VPS13D: variants seen among roughly 807,000 people sequenced by gnomAD.
The protein encoded by VPS13D is intermembrane lipid transfer protein VPS13D.
Under a neutral mutation model 461.9 loss-of-function variants are expected in VPS13D, and 187 were observed. The observed-to-expected ratio is 0.40, with a 90% CI of 0.36 to 0.46. The LOEUF (loss-of-function observed/expected upper bound fraction) is 0.46, where lower values mean the gene tolerates loss of function less well. VPS13D is among the 20% of genes least tolerant of loss of function. The probability of loss-of-function intolerance (pLI) is 0.60; values close to 1 mark genes in which losing one functional copy is unlikely to be tolerated. For missense variants in VPS13D, 4,711 were observed against 5,364.9 expected, an observed-to-expected ratio of 0.88 and a Z score of 3.81; for synonymous variants, 1,951 against 1,986.3, an observed-to-expected ratio of 0.98 and a Z score of 0.47.
intron 60 of VPS13D, among the ~76,000 whole-genome samples, chr1:12,390,745 G>A (rs1360639319): frequency 2.0e-5 from 3 of 152,188 alleles, no homozygotes; most frequent in African/African-American, 7.2e-5. Flanking sequence ...GGCAAATTGG[G>A]CATTAAGCAC....
intron 67 of VPS13D, among the ~76,000 whole-genome samples, chr1:12,487,274 A>G (rs536991320): frequency 6.6e-6 from 1 of 151,978 alleles, no homozygotes; most frequent in African/African-American, 2.4e-5. Flanking sequence ...GTAGAAGGAG[A>G]TTTAAAACCT....
intron 65 of VPS13D, among the ~76,000 whole-genome samples, chr1:12,421,747 T>G (rs953884146): frequency 6.6e-6 from 1 of 152,222 alleles, no homozygotes; most frequent in Non-Finnish European, 1.5e-5. Context: ...GCCAACAGCA[T>G]ACTTAATTTC....
In VPS13D at chr1:12,276,739, C is replaced by G. The variant is rs992560396; in HGVS notation, c.3151C>G (p.His1051Asp). 1 of 1,614,168 alleles carries G rather than the reference C, an allele frequency of 6.2e-7. No homozygotes were observed. The highest frequency in any genetic ancestry group is 8.5e-7 in the Non-Finnish European group (1 of 1,180,028). ...QSPVSGPNVA[H>D]LTDGATLNDR... ...TCCTGTCTCTGGACCGAATGTGGCC[C>G]ACTTAACTGATGGAGCTACACTGAA... Residue 1051 changes from histidine to aspartate, a missense_variant, in exon 19 of 70, where the codon CAC becomes GAC. By Grantham distance (81) the His-to-Asp change is moderately conservative. Transcript: ENST00000620676. The surrounding 1 kb of genome is among the most constrained non-coding windows in gnomAD (Gnocchi z 4.5).
chr1:12,397,601 T>C (rs373835161), intron 60 of VPS13D, among the ~76,000 whole-genome samples: 2 of 152,182 alleles, frequency 1.3e-5, no homozygotes, highest in African/African-American at 2.4e-5. Flanking sequence ...TCTGGAGATA[T>C]GGCTATGACT....
chr1:12,277,155 T>C lies in VPS13D; in HGVS notation c.3567T>C (p.Tyr1189=), dbSNP rs745616883. 7 of 1,614,076 alleles carry C rather than the reference T, an allele frequency of 4.3e-6. No homozygotes were observed. Among genetic ancestry groups the C allele is most frequent in the Non-Finnish European group, 8.5e-7 (1 of 1,180,032 alleles). Residue 1189 remains tyrosine (Y), a synonymous_variant, in exon 19 of 70, where the codon TAT becomes TAC. Transcript: ENST00000620676. Reference sequence around the variant, plus strand: ...TGGGCATGGCAAATAGAGAGAAATATGGCAGAAAAATTGCAACTGCAAGTA... The same window carrying C: ...TGGGCATGGCAAATAGAGAGAAATACGGCAGAAAAATTGCAACTGCAAGTA... ...RTVGMANREK[Y]GRKIATASIG...
At chr1:12,315,865 G>A (rs1642873034) in intron 30 of VPS13D, among the ~76,000 whole-genome samples, 1 of 151,666 alleles carries the variant, frequency 6.6e-6, no homozygotes, top group East Asian at 1.9e-4. Context: ...CGCCTAGGCT[G>A]GAGTGCAGTG....
At chr1:12,423,929 T>G (rs962520145) in intron 65 of VPS13D, among the ~76,000 whole-genome samples, 1 of 152,250 alleles carries the variant, frequency 6.6e-6, no homozygotes, top group Non-Finnish European at 1.5e-5. Flanking sequence ...CACAAAAGAA[T>G]GCACTGAGTG....
chr1:12,274,780 T>C (rs1372027040), intron 18 of VPS13D, among the ~76,000 whole-genome samples: 5 of 152,206 alleles, frequency 3.3e-5, no homozygotes, highest in Admixed American at 3.3e-4. Flanking sequence ...ACCTCTCTTC[T>C]CTCAGAACAT....
In VPS13D at chr1:12,506,838, C is replaced by T. The variant is rs369007569; in HGVS notation, c.12795-15C>T. ...GCCCCAGGTGTCACTCCTGTGTTCCCGTCTCGCTTTGCAGCTTCATCGCTG... is the reference window on the plus strand; with the variant it reads ...GCCCCAGGTGTCACTCCTGTGTTCCTGTCTCGCTTTGCAGCTTCATCGCTG... On this transcript the variant is annotated splice_polypyrimidine_tract_variant and intron_variant, in intron 68 of 69. Coordinates refer to ENST00000620676, the MANE Select transcript of VPS13D (RefSeq NM_015378.4). 3.7e-5 allele frequency: 59 copies of T among 1,611,978 alleles called. No homozygotes were observed. The highest frequency in any genetic ancestry group is 2.7e-4 in the Admixed American group (16 of 59,964).
chr1:12,321,716 G>A, intron 32 of VPS13D, 93 bp from the exon 33 acceptor site: 1 of 1,366,586 alleles, frequency 7.3e-7, no homozygotes, highest in South Asian at 1.5e-5. Context: ...ATAACACATG[G>A]CTGACTGCTT....
intron 15 of VPS13D, 90 bp from the exon 16 acceptor site, chr1:12,268,616 T>A (rs1449904146): frequency 7.3e-7 from 1 of 1,361,930 alleles, no homozygotes; most frequent in Non-Finnish European, 1.0e-6. Flanking sequence ...ATTTAGAAAA[T>A]GTCTGTTTTT....
At chr1:12,344,288 C>G (rs1338509669) in intron 42 of VPS13D, among the ~76,000 whole-genome samples, 1 of 152,178 alleles carries the variant, frequency 6.6e-6, no homozygotes, top group Non-Finnish European at 1.5e-5. Flanking sequence ...GTGGTGCTTT[C>G]AGTTCCTGAG....
At chr1:12,487,873 C>T (rs756307420) in intron 67 of VPS13D, among the ~76,000 whole-genome samples, 2 of 151,858 alleles carry the variant, frequency 1.3e-5, no homozygotes, top group African/African-American at 4.8e-5. Context: ...TTTTTGAAAG[C>T]GCCTGCTGTG....
intron 65 of VPS13D, among the ~76,000 whole-genome samples, chr1:12,433,927 A>AGAGT (rs903263474): frequency 4.7e-5 from 7 of 149,992 alleles, no homozygotes; most frequent in African/African-American, 1.2e-4. Flanking sequence ...GGAGAGAGAG[A>AGAGT]GAGTGAGAGA....
chr1:12,437,996 T>C (rs1367702929), intron 65 of VPS13D, among the ~76,000 whole-genome samples: 1 of 152,138 alleles, frequency 6.6e-6, no homozygotes, highest in Non-Finnish European at 1.5e-5. Flanking sequence ...AAAATATCAG[T>C]CTGGATATAC....
At chr1:12,309,775 A>AAAAG (rs1285893561) in intron 27 of VPS13D, among the ~76,000 whole-genome samples, 1 of 151,590 alleles carries the variant, frequency 6.6e-6, no homozygotes, top group Admixed American at 6.6e-5. Flanking sequence ...AAAAAAAAAA[A>AAAAG]AAAGAAAGAA....
chr1:12,327,410 G>T (rs988483187), intron 35 of VPS13D, among the ~76,000 whole-genome samples: 2 of 152,192 alleles, frequency 1.3e-5, no homozygotes, highest in Non-Finnish European at 2.9e-5. Flanking sequence ...TGAGTGGAAG[G>T]TGTGCAACAA....
intron 49 of VPS13D, 104 bp downstream of exon 49, chr1:12,356,628 A>C: frequency 7.0e-7 from 1 of 1,420,662 alleles, no homozygotes; most frequent in Non-Finnish European, 9.4e-7. Flanking sequence ...ACTGTAGATA[A>C]CAATCCTGAC....
At chr1:12,399,933 T>G (rs1644552191) in intron 60 of VPS13D, among the ~76,000 whole-genome samples, 1 of 152,224 alleles carries the variant, frequency 6.6e-6, no homozygotes, top group Admixed American at 6.5e-5. Flanking sequence ...CATACTTATT[T>G]TTTTGAGGTG....
Sources: gnomAD v4.1 joint callset for allele counts (sites outside exome capture counted in the v4.1 genomes callset) on GRCh38, gnomAD v4.1.1 for gene constraint, Gnocchi (gnomAD v3.1) non-coding constraint, MANE v1.5 for transcripts, NCBI Gene and HGNC (gene_info 2026-07-23, HGNC 2026-07-21) for gene names.